The following SKAP2 variants were observed in gnomAD, a reference collection of about 807,000 sequenced individuals.
SKAP2 encodes the protein src kinase associated phosphoprotein 2.
SKAP2 carries 28 observed loss-of-function variants against 54.9 expected under a neutral mutation model. The observed-to-expected ratio is 0.51, with a 90% CI of 0.38 to 0.70. The LOEUF is 0.70. Ranked by LOEUF, SKAP2 falls within the 30% of genes least tolerant of loss-of-function variation. The pLI is 0.00. For missense variants in SKAP2, 356 were observed against 424.1 expected (o/e 0.84, Z 1.41); for synonymous variants, 137 against 134.3 (o/e 1.02, Z -0.14).
chr7:26,672,500 C>T (rs796212771), intron 11 of SKAP2, among the ~76,000 whole-genome samples: 21 of 151,934 alleles, frequency 1.4e-4, no homozygotes, highest in African/African-American at 4.6e-4. Flanking sequence ...ATCTTAAATG[C>T]TTCACTTAAT....
chr7:26,828,503 C>T (rs1162115110), intron 4 of SKAP2, among the ~76,000 whole-genome samples: 1 of 150,972 alleles, frequency 6.6e-6, no homozygotes, highest in South Asian at 2.1e-4. Context: ...CGGTGAAACC[C>T]CGTCTCTACT....
chr7:26,813,394 T>G (rs575481171), intron 4 of SKAP2, among the ~76,000 whole-genome samples: 4 of 152,332 alleles, frequency 2.6e-5, no homozygotes, highest in Admixed American at 6.5e-5. Context: ...TAGCTGAAAT[T>G]TTTTAAAGCC....
At chr7:26,864,212 T>C (rs1019946754) in intron 1 of SKAP2, 151 bp downstream of exon 1, 34 of 868,864 alleles carry the variant, frequency 3.9e-5, no homozygotes, top group Non-Finnish European at 5.8e-5. Context: ...AAACAACCCC[T>C]CTCCTCTCCT....
chr7:26,753,632 T>A (rs1046479359), intron 4 of SKAP2, among the ~76,000 whole-genome samples: 15 of 152,158 alleles, frequency 9.9e-5, no homozygotes, highest in African/African-American at 3.1e-4. Context: ...TTCACAGTAG[T>A]CTTGAGAGAG....
chr7:26,673,339 A>C (rs1179425077), intron 11 of SKAP2, among the ~76,000 whole-genome samples: 1 of 152,102 alleles, frequency 6.6e-6, no homozygotes, highest in Non-Finnish European at 1.5e-5. Flanking sequence ...AGAGTCCTTT[A>C]ATCTACAGGA....
chr7:26,831,059 C>T (rs2127992436), intron 4 of SKAP2, among the ~76,000 whole-genome samples: 1 of 152,080 alleles, frequency 6.6e-6, no homozygotes, highest in East Asian at 1.9e-4. Flanking sequence ...CCATTTTTTC[C>T]CCACTTATTT....
intron 6 of SKAP2, among the ~76,000 whole-genome samples, chr7:26,737,708 T>C (rs1787972537): frequency 6.6e-6 from 1 of 152,206 alleles, no homozygotes; most frequent in Non-Finnish European, 1.5e-5. Context: ...ACCTTTACTT[T>C]ATAATATTCA....
intron 4 of SKAP2, among the ~76,000 whole-genome samples, chr7:26,769,539 T>C (rs1483128426): frequency 2.0e-5 from 3 of 152,222 alleles, no homozygotes; most frequent in East Asian, 3.8e-4. Context: ...AGAGGCATTC[T>C]GGTTTTTGGA....
At chr7:26,678,715 A>G (rs1786415993) in intron 11 of SKAP2, among the ~76,000 whole-genome samples, 2 of 152,180 alleles carry the variant, frequency 1.3e-5, no homozygotes, top group East Asian at 3.8e-4. Flanking sequence ...TGCTGGGATT[A>G]CAGGAGTGAG....
chr7:26,662,751 G>T (rs1220626668), downstream of SKAP2, among the ~76,000 whole-genome samples: 1 of 152,054 alleles, frequency 6.6e-6, no homozygotes, highest in Admixed American at 6.6e-5. Context: ...TACATTTCAG[G>T]TTTTTCAATT....
intron 3 of SKAP2, among the ~76,000 whole-genome samples, chr7:26,844,879 C>T (rs1048320064): frequency 4.6e-5 from 7 of 151,874 alleles, no homozygotes; most frequent in African/African-American, 4.8e-5. Flanking sequence ...GTTCGTTGGT[C>T]GATTTTTTGA....
chr7:26,817,615 T>C (rs1352785302), intron 4 of SKAP2, among the ~76,000 whole-genome samples: 1 of 152,076 alleles, frequency 6.6e-6, no homozygotes, highest in Non-Finnish European at 1.5e-5. Flanking sequence ...GATAGACACA[T>C]GACACAGGTT....
At chr7:26,659,024 T>C in the SKAP2 span, among the ~76,000 whole-genome samples, 2 of 152,178 alleles carry the variant, frequency 1.3e-5, no homozygotes, top group Non-Finnish European at 1.5e-5. Context: ...ACCAGTTATA[T>C]AAGAAATACG....
At chr7:26,681,051 A>C (rs1375279386) in intron 11 of SKAP2, among the ~76,000 whole-genome samples, 1 of 152,246 alleles carries the variant, frequency 6.6e-6, no homozygotes, top group African/African-American at 2.4e-5. Context: ...AACAGAAAAT[A>C]ATATATTGAA....
intron 4 of SKAP2, among the ~76,000 whole-genome samples, chr7:26,757,119 G>T (rs1220154829): frequency 6.6e-6 from 1 of 152,090 alleles, no homozygotes; most frequent in Non-Finnish European, 1.5e-5. Flanking sequence ...CCATTCTGTA[G>T]GTTGCCTGTT....
intron 3 of SKAP2, among the ~76,000 whole-genome samples, chr7:26,849,158 TTTCTGCTATTCTTA>T (rs1584425416): frequency 6.6e-6 from 1 of 152,176 alleles, no homozygotes; most frequent in Non-Finnish European, 1.5e-5. Flanking sequence ...ACTTCAGACT[TTTCTGCTATTCTTA>T]TTCTGCTATT....
chr7:26,765,399 T>G (rs1783030384), intron 4 of SKAP2, among the ~76,000 whole-genome samples: 1 of 152,158 alleles, frequency 6.6e-6, no homozygotes, highest in Non-Finnish European at 1.5e-5. Context: ...TTGCAAAAAT[T>G]TTCTCCCATT....
intron 9 of SKAP2, among the ~76,000 whole-genome samples, chr7:26,697,712 G>T (rs1786926144): frequency 6.6e-6 from 1 of 151,260 alleles, no homozygotes; most frequent in Admixed American, 6.6e-5. Flanking sequence ...TCTACTCATT[G>T]CTGAAAGTCA....
rs78132332 is a variant in SKAP2 at position 26,679,646 on chromosome 7, G to A, written c.987+5090C>T. Among the ~76,000 whole-genome samples, 1,492 of 152,282 alleles carry A rather than the reference G, an allele frequency of 9.8e-3. 24 individuals are homozygous for A. Among genetic ancestry groups the A allele is most frequent in the African/African-American group, 0.034 (1,419 of 41,552 alleles). On this transcript the variant is annotated intron_variant, in intron 11 of 12. Coordinates refer to ENST00000345317, the MANE Select transcript of SKAP2 (RefSeq NM_003930.5). ...TAGTTACTCTGCAGCAGTTGGCCACGCTATTTGTGGCATACTGGGTCATAC... is the reference window on the plus strand; with the variant it reads ...TAGTTACTCTGCAGCAGTTGGCCACACTATTTGTGGCATACTGGGTCATAC...
Sources: allele counts gnomAD v4.1 joint callset (sites outside exome capture counted in the v4.1 genomes callset), GRCh38; gene constraint gnomAD v4.1.1; transcripts MANE v1.5; gene names NCBI Gene and HGNC (gene_info 2026-07-23, HGNC 2026-07-21).